The following KCNH8 variants were observed in gnomAD, a reference collection of about 807,000 sequenced individuals.
The protein encoded by KCNH8 is voltage-gated delayed rectifier potassium channel KCNH8.
Under a neutral mutation model 103.6 loss-of-function variants are expected in KCNH8, and 70 were observed. The ratio of observed to expected loss-of-function variants is 0.68; its 90% CI spans 0.56 to 0.82. KCNH8 has a LOEUF of 0.82. Ranked by LOEUF, KCNH8 falls within the 40% of genes least tolerant of loss-of-function variation. The pLI, the probability that KCNH8 is intolerant of heterozygous loss-of-function variation, is 0.00. For synonymous variants in KCNH8, 498 were observed against 489.4 expected (o/e 1.02, Z -0.23); for missense variants, 1,217 against 1,329.9 (o/e 0.92, Z 1.32).
chr3:19,333,499 A>C (rs1379856748), intron 3 of KCNH8, among the ~76,000 whole-genome samples: 1 of 152,154 alleles, frequency 6.6e-6, no homozygotes, highest in African/African-American at 2.4e-5. Flanking sequence ...CCTGTTGCCT[A>C]CACAGGTTTG....
intron 5 of KCNH8, among the ~76,000 whole-genome samples, chr3:19,349,964 A>G (rs1403554135): frequency 6.6e-6 from 1 of 152,142 alleles, no homozygotes; most frequent in East Asian, 1.9e-4. Flanking sequence ...AAGATTTAGG[A>G]TTTGAAATTT....
chr3:19,458,503 A>G (rs1037217228), intron 11 of KCNH8, among the ~76,000 whole-genome samples: 1 of 152,042 alleles, frequency 6.6e-6, no homozygotes, highest in Admixed American at 6.6e-5. Context: ...AATTCGTGGC[A>G]TACAAAATGA....
At chr3:19,500,389 TCAA>T (rs2068552343) in intron 11 of KCNH8, among the ~76,000 whole-genome samples, 1 of 151,752 alleles carries the variant, frequency 6.6e-6, no homozygotes, top group African/African-American at 2.4e-5. Context: ...AGACAGAAAA[TCAA>T]CAAGGATACC....
At chr3:19,496,174 G>C in intron 11 of KCNH8, among the ~76,000 whole-genome samples, 1 of 151,696 alleles carries the variant, frequency 6.6e-6, no homozygotes, top group East Asian at 1.9e-4. Flanking sequence ...CTCTTATTTG[G>C]ATGCCTTTTA....
intron 5 of KCNH8, among the ~76,000 whole-genome samples, chr3:19,373,783 C>T (rs13079861): frequency 3.3e-4 from 50 of 151,710 alleles, no homozygotes; most frequent in South Asian, 6.3e-4. Context: ...GCTTTGAATG[C>T]GTCCCAGAGA....
chr3:19,380,225 CTA>C (rs370760715), intron 5 of KCNH8, among the ~76,000 whole-genome samples: 1 of 152,084 alleles, frequency 6.6e-6, no homozygotes, highest in African/African-American at 2.4e-5. Flanking sequence ...AGAGGATAAA[CTA>C]TGTAAGAACC....
chr3:19,509,374 A>AT (rs1403346389), intron 11 of KCNH8, among the ~76,000 whole-genome samples: 2 of 152,028 alleles, frequency 1.3e-5, no homozygotes, highest in South Asian at 2.1e-4. Context: ...TCAAGTACAA[A>AT]TTTTTTTTCA....
chr3:19,458,473 G>A (rs897973903), intron 11 of KCNH8, among the ~76,000 whole-genome samples: 7 of 151,872 alleles, frequency 4.6e-5, no homozygotes, highest in African/African-American at 1.7e-4. Flanking sequence ...GACTTATTAA[G>A]GATCCTTATC....
Position 19,425,791 on chromosome 3 carries a change from A to C in KCNH8, c.1178-12373A>C, listed in dbSNP as rs536493070. 9.8e-5 allele frequency among the ~76,000 whole-genome samples: 15 copies of C among 152,358 alleles called. No individual in the cohort carries two copies. In the South Asian group the frequency reaches 2.1e-3, roughly 21 times the overall value. ...CAAAATATCGAAGATAGACTTTGAC[A>C]ATCTGCAGAATGTTCAGAAAAGGAA... On this transcript the variant is annotated intron_variant, in intron 7 of 15. Transcript: ENST00000328405.
At chr3:19,282,277 T>C (rs1440685363) in intron 3 of KCNH8, among the ~76,000 whole-genome samples, 4 of 152,142 alleles carry the variant, frequency 2.6e-5, no homozygotes, top group Non-Finnish European at 5.9e-5. Flanking sequence ...TTTTGCTGTA[T>C]ATTGGCATGA....
chr3:19,178,449 C>T (rs559716447), intron 1 of KCNH8, among the ~76,000 whole-genome samples: 3 of 152,170 alleles, frequency 2.0e-5, no homozygotes, highest in South Asian at 2.1e-4. Flanking sequence ...GTTTCTTTTC[C>T]TCAAGATACA....
At chr3:19,448,607 C>T (rs1575077945) in intron 8 of KCNH8, among the ~76,000 whole-genome samples, 1 of 151,400 alleles carries the variant, frequency 6.6e-6, no homozygotes, top group East Asian at 1.9e-4. Context: ...TCCTGAAATA[C>T]TCAGGAAGAT....
chr3:19,445,697 C>T (rs143307805), intron 8 of KCNH8, among the ~76,000 whole-genome samples: 1 of 151,812 alleles, frequency 6.6e-6, no homozygotes, highest in African/African-American at 2.4e-5. Flanking sequence ...CCAAAAAAAT[C>T]ATTTTAAAAG....
At chr3:19,494,282 A>G (rs554668573) in intron 11 of KCNH8, among the ~76,000 whole-genome samples, 1 of 152,086 alleles carries the variant, frequency 6.6e-6, no homozygotes, top group African/African-American at 2.4e-5. Context: ...CATAATTCCC[A>G]TGTGTTGGTG....
At chr3:19,303,056 C>T (rs1243336378) in intron 3 of KCNH8, among the ~76,000 whole-genome samples, 1 of 152,132 alleles carries the variant, frequency 6.6e-6, no homozygotes, top group Non-Finnish European at 1.5e-5. Context: ...TAGCTTCTGA[C>T]CACTTACTTC....
Position 19,441,789 on chromosome 3 carries a change from T to G in KCNH8, c.1375+3428T>G, listed in dbSNP as rs371242084. ...AGATATCACTTTGAGTTTTGAACCT[T>G]ATAATAGGAGATGGCTCCTACAGGC... On this transcript the variant is annotated intron_variant, in intron 8 of 15. Transcript: ENST00000328405. 2.8e-4 allele frequency among the ~76,000 whole-genome samples: 42 copies of G among 152,312 alleles called. No individual in the cohort carries two copies. The East Asian group carries it at 6.4e-3, about 23-fold the overall frequency.
intron 11 of KCNH8, among the ~76,000 whole-genome samples, chr3:19,509,070 A>AT (rs1460387655): frequency 2.0e-5 from 3 of 152,250 alleles, no homozygotes; most frequent in Admixed American, 6.5e-5. Context: ...ATTTTGTTTT[A>AT]TTTTTCACAT....
intron 5 of KCNH8, among the ~76,000 whole-genome samples, chr3:19,381,638 T>G (rs1270987863): frequency 2.6e-5 from 4 of 152,028 alleles, no homozygotes; most frequent in Non-Finnish European, 5.9e-5. Flanking sequence ...TTGTGCTGAA[T>G]GTTATTAATC....
chr3:19,292,666 C>T (rs2064945048), intron 3 of KCNH8, among the ~76,000 whole-genome samples: 1 of 152,174 alleles, frequency 6.6e-6, no homozygotes, highest in African/African-American at 2.4e-5. Context: ...GGTGGGCACT[C>T]AGGCTCTTTT....
Sources: allele counts gnomAD v4.1 joint callset (sites outside exome capture counted in the v4.1 genomes callset), GRCh38; gene constraint gnomAD v4.1.1; transcripts MANE v1.5; gene names NCBI Gene and HGNC (gene_info 2026-07-23, HGNC 2026-07-21).